CTNNA3: variants seen among roughly 807,000 people sequenced by gnomAD.
CTNNA3 encodes catenin alpha 3, also known as catenin alpha-3.
CTNNA3 carries 76 observed loss-of-function variants against 95.7 expected under a neutral mutation model. The observed-to-expected ratio is 0.79, with a 90% CI of 0.66 to 0.96. The LOEUF is 0.96. CTNNA3 is among the 40% of genes least tolerant of loss of function. CTNNA3 has a pLI of 0.00. For synonymous variants in CTNNA3, 431 were observed against 374.4 expected (o/e 1.15, Z -1.74); for missense variants, 1,191 against 1,089.8 (o/e 1.09, Z -1.31).
intron 13 of CTNNA3, among the ~76,000 whole-genome samples, chr10:66,199,784 TATATATATATATATATATA>T (rs2087225330): frequency 5.1e-4 from 6 of 11,872 alleles, no homozygotes; most frequent in African/African-American, 1.4e-3. Flanking sequence ...TATATATATA[TATATATATATATATATATA>T]TATTTTTTTT....
At chr10:67,205,680 A>G (rs1863864832) in intron 6 of CTNNA3, among the ~76,000 whole-genome samples, 2 of 152,182 alleles carry the variant, frequency 1.3e-5, no homozygotes, top group South Asian at 4.1e-4. Context: ...TTATACTCAC[A>G]CTTGTATATA....
chr10:66,143,458 C>T (rs951333010), intron 13 of CTNNA3, among the ~76,000 whole-genome samples: 9 of 152,040 alleles, frequency 5.9e-5, no homozygotes, highest in African/African-American at 1.2e-4. Flanking sequence ...CCAGTTTGGT[C>T]GTCAAATATA....
intron 7 of CTNNA3, among the ~76,000 whole-genome samples, chr10:66,908,779 G>A (rs1846102049): frequency 6.6e-6 from 1 of 151,922 alleles, no homozygotes; most frequent in Admixed American, 6.6e-5. Flanking sequence ...CATTTTTATG[G>A]AGTCACAAAG....
chr10:66,973,386 G>A (rs758384816), intron 7 of CTNNA3, among the ~76,000 whole-genome samples: 5 of 152,062 alleles, frequency 3.3e-5, no homozygotes, highest in Admixed American at 3.3e-4. Context: ...TCAATAATTT[G>A]TATTAACAAA....
intron 12 of CTNNA3, among the ~76,000 whole-genome samples, chr10:66,323,060 G>T (rs1270902255): frequency 6.6e-6 from 1 of 151,848 alleles, no homozygotes; most frequent in African/African-American, 2.4e-5. Context: ...TGGCTTATGG[G>T]TATCTGGTAA....
At chr10:66,335,407 T>C (rs915577807) in intron 12 of CTNNA3, among the ~76,000 whole-genome samples, 1 of 152,084 alleles carries the variant, frequency 6.6e-6, no homozygotes, top group Non-Finnish European at 1.5e-5. Context: ...GATGGTGTTT[T>C]GGTGTGGATG....
At chr10:66,770,756 G>A (rs942183358) in intron 8 of CTNNA3, among the ~76,000 whole-genome samples, 6 of 152,072 alleles carry the variant, frequency 3.9e-5, no homozygotes, top group Admixed American at 3.3e-4. Flanking sequence ...GGAAAGGGGA[G>A]AAAGTGTTTC....
intron 1 of CTNNA3, among the ~76,000 whole-genome samples, chr10:67,655,921 G>GA (rs71006157): frequency 0.013 from 1,914 of 149,322 alleles, 24 homozygotes; most frequent in Non-Finnish European, 0.018. Context: ...GATGTTAACT[G>GA]AAAAAAAAAA....
At chr10:66,978,803 T>C (rs1194131461) in intron 7 of CTNNA3, among the ~76,000 whole-genome samples, 3 of 151,078 alleles carry the variant, frequency 2.0e-5, no homozygotes, top group Non-Finnish European at 4.4e-5. Context: ...GCCTGACATA[T>C]GCAACAAATG....
At chr10:67,015,951 T>G (rs1375389319) in intron 7 of CTNNA3, among the ~76,000 whole-genome samples, 1 of 152,300 alleles carries the variant, frequency 6.6e-6, no homozygotes, top group East Asian at 1.9e-4. Context: ...TCTATTTTAT[T>G]TCTGTCATTT....
chr10:67,669,321 T>A (rs1311191711), intron 1 of CTNNA3, among the ~76,000 whole-genome samples: 1 of 152,002 alleles, frequency 6.6e-6, no homozygotes, highest in East Asian at 1.9e-4. Flanking sequence ...TGGAGAAAAA[T>A]TATGCCTAGA....
chr10:66,792,429 T>G (rs1343747413), intron 7 of CTNNA3, among the ~76,000 whole-genome samples: 4 of 152,174 alleles, frequency 2.6e-5, no homozygotes, highest in African/African-American at 7.2e-5. Context: ...TAGATTCTAA[T>G]TATTTATGTC....
At chr10:67,292,240 T>A (rs201997006) in intron 5 of CTNNA3, among the ~76,000 whole-genome samples, 1 of 152,150 alleles carries the variant, frequency 6.6e-6, no homozygotes, top group Non-Finnish European at 1.5e-5. Flanking sequence ...TTAGGTGTTA[T>A]GGGGGGCTTT....
At chr10:66,442,029 T>A (rs1410583361) in intron 11 of CTNNA3, among the ~76,000 whole-genome samples, 1 of 152,218 alleles carries the variant, frequency 6.6e-6, no homozygotes, top group Admixed American at 6.5e-5. Context: ...TAGTACATTG[T>A]TTGAAAACCT....
chr10:66,201,550 A>G (rs1180663578), intron 13 of CTNNA3, among the ~76,000 whole-genome samples: 1 of 152,174 alleles, frequency 6.6e-6, no homozygotes, highest in Non-Finnish European at 1.5e-5. Flanking sequence ...TTTTCTCAAA[A>G]GCAGAAGTTA....
At chr10:67,551,608 C>T (rs569161370) in intron 3 of CTNNA3, among the ~76,000 whole-genome samples, 5 of 152,298 alleles carry the variant, frequency 3.3e-5, no homozygotes, top group Admixed American at 6.5e-5. Context: ...CCCACTGGGG[C>T]TTCAGAGCTG....
At chr10:67,328,785 T>G (rs1841662177) in intron 5 of CTNNA3, among the ~76,000 whole-genome samples, 1 of 152,196 alleles carries the variant, frequency 6.6e-6, no homozygotes, top group Non-Finnish European at 1.5e-5. Flanking sequence ...AGTCCCTTCA[T>G]GAGAGCCGTT....
chr10:65,969,978 ATCCAAGG>A (rs2078060466), intron 16 of CTNNA3, among the ~76,000 whole-genome samples: 1 of 152,148 alleles, frequency 6.6e-6, no homozygotes, highest in Non-Finnish European at 1.5e-5. Context: ...TCACCAGACT[ATCCAAGG>A]TCAATACTAA....
chr10:67,243,879 G>A (rs1037976736), intron 5 of CTNNA3, among the ~76,000 whole-genome samples: 4 of 152,082 alleles, frequency 2.6e-5, no homozygotes, highest in East Asian at 1.9e-4. Context: ...TTGTTGACAC[G>A]TCTGTGTCTC....
Sources: allele counts gnomAD v4.1 joint callset (sites outside exome capture counted in the v4.1 genomes callset), GRCh38; gene constraint gnomAD v4.1.1; transcripts MANE v1.5; gene names NCBI Gene and HGNC (gene_info 2026-07-23, HGNC 2026-07-21).